Variants in DAB1 observed in about 807,000 individuals in gnomAD.
DAB1 encodes DAB adaptor protein 1.
Under a neutral mutation model 64.6 loss-of-function variants are expected in DAB1, and 15 were observed. The ratio of observed to expected loss-of-function variants is 0.23; its 90% CI spans 0.16 to 0.36. The LOEUF (loss-of-function observed/expected upper bound fraction) is 0.36, where lower values mean the gene tolerates loss of function less well. Among genes scored for constraint, DAB1 ranks in the 10% least tolerant of loss-of-function variants. The probability of loss-of-function intolerance (pLI) is 1.00; values close to 1 mark genes in which losing one functional copy is unlikely to be tolerated. For synonymous variants in DAB1, 235 were observed against 251.9 expected (o/e 0.93, Z 0.64); for missense variants, 596 against 706.7 (o/e 0.84, Z 1.78).
chr1:57,276,813 T>C (rs1671506863), intron 2 of DAB1, among the ~76,000 whole-genome samples: 1 of 152,260 alleles, frequency 6.6e-6, no homozygotes, highest in African/African-American at 2.4e-5. Flanking sequence ...TTCAACTTAC[T>C]ATAATAAACT....
At chr1:58,102,026 G>A (rs139268111) in intron 5 of DAB1, among the ~76,000 whole-genome samples, 74 of 152,296 alleles carry the variant, frequency 4.9e-4, no homozygotes, top group Admixed American at 4.0e-3. Flanking sequence ...GTATTAACTC[G>A]GTGCTTACCA....
chr1:57,208,513 T>C (rs529914751), intron 2 of DAB1, among the ~76,000 whole-genome samples: 1 of 152,352 alleles, frequency 6.6e-6, no homozygotes, highest in East Asian at 1.9e-4. Context: ...TACTCCTCCT[T>C]ATTCTTCAGC....
Position 57,856,811 on chromosome 1 carries a change from C to T in DAB1, n.87+27188G>A, listed in dbSNP as rs1235253741. On this transcript the variant is annotated intron_variant and non_coding_transcript_variant, in intron 1 of 1. Transcript: ENST00000477280. ...AAATAAATTAAAAGTAATGATTATA[C>T]CTCTAACAGAAGGGTCTCAATGGGG... Among the ~76,000 whole-genome samples, 3 of 152,054 alleles carry T rather than the reference C, an allele frequency of 2.0e-5. No individual in the cohort carries two copies. The South Asian group carries it at 6.2e-4, about 32-fold the overall frequency.
intron 6 of DAB1, among the ~76,000 whole-genome samples, chr1:57,807,356 G>A (rs1432029999): frequency 1.3e-5 from 2 of 152,098 alleles, no homozygotes; most frequent in African/African-American, 4.8e-5. Flanking sequence ...TCATACTCAA[G>A]AGCAGAAAAG....
chr1:58,047,908 C>CA (rs368138225), intron 5 of DAB1: 165 of 368,550 alleles, frequency 4.5e-4, no homozygotes, highest in Middle Eastern at 1.7e-3. Context: ...AGCATGGGTG[C>CA]AAAAAAAAAT....
At chr1:57,227,394 G>C (rs750311802) in intron 2 of DAB1, among the ~76,000 whole-genome samples, 3 of 152,144 alleles carry the variant, frequency 2.0e-5, no homozygotes, top group Non-Finnish European at 4.4e-5. Context: ...GAGAGAGAGA[G>C]ACACAGTAAA....
intron 6 of DAB1, among the ~76,000 whole-genome samples, chr1:57,701,652 C>A (rs763806391): frequency 2.6e-4 from 39 of 151,598 alleles, no homozygotes; most frequent in Non-Finnish European, 4.9e-4. Flanking sequence ...ATGTAACAAA[C>A]CTGCATGTTG....
intron 5 of DAB1, among the ~76,000 whole-genome samples, chr1:58,082,139 G>A (rs1057194605): frequency 2.6e-5 from 4 of 152,104 alleles, no homozygotes; most frequent in East Asian, 1.9e-4. Context: ...CAGAGTCCAG[G>A]CCTCCTGACT....
intron 4 of DAB1, among the ~76,000 whole-genome samples, chr1:57,115,099 G>A (rs572567929): frequency 3.3e-5 from 5 of 152,230 alleles, no homozygotes; most frequent in South Asian, 4.2e-4. Context: ...CCATCTCACC[G>A]GCTCACAGAA....
intron 5 of DAB1, among the ~76,000 whole-genome samples, chr1:57,933,425 C>CT (rs34554638): frequency 0.2 from 30,292 of 151,070 alleles, 4,387 homozygotes; most frequent in African/African-American, 0.41. Flanking sequence ...CAGAAGTCTC[C>CT]TTTTTTTTTA....
chr1:57,436,794 C>A (rs1036870615), intron 7 of DAB1, among the ~76,000 whole-genome samples: 12 of 151,910 alleles, frequency 7.9e-5, no homozygotes, highest in African/African-American at 2.7e-4. Context: ...TTTGGGAGGC[C>A]GAGGCAGGCA....
intron 6 of DAB1, among the ~76,000 whole-genome samples, chr1:57,738,208 C>T (rs1647789014): frequency 6.6e-6 from 1 of 152,146 alleles, no homozygotes; most frequent in South Asian, 2.1e-4. Context: ...AGGTAGAAAA[C>T]AGAGACTTGA....
chr1:58,430,466 CAAG>C (rs761164275), intron 3 of DAB1, among the ~76,000 whole-genome samples: 1 of 152,048 alleles, frequency 6.6e-6, no homozygotes, highest in South Asian at 2.1e-4. Flanking sequence ...AAAAGGAGGA[CAAG>C]AAGAAGAACT....
intron 5 of DAB1, among the ~76,000 whole-genome samples, chr1:57,916,309 G>A (rs767059178): frequency 3.3e-5 from 5 of 152,114 alleles, no homozygotes; most frequent in Non-Finnish European, 7.4e-5. Flanking sequence ...TGTCAGCCAT[G>A]CCTTCACTGG....
intron 4 of DAB1, among the ~76,000 whole-genome samples, chr1:58,292,864 G>A (rs1440107387): frequency 2.0e-5 from 3 of 152,114 alleles, no homozygotes; most frequent in African/African-American, 4.8e-5. Context: ...CATTTAATAG[G>A]AGTCAGTCTC....
intron 1 of DAB1, among the ~76,000 whole-genome samples, chr1:57,844,909 T>C (rs1653213413): frequency 1.3e-5 from 2 of 152,142 alleles, no homozygotes; most frequent in African/African-American, 4.8e-5. Flanking sequence ...CCTTCAGCCT[T>C]GGAAATGGCA....
intron 3 of DAB1, among the ~76,000 whole-genome samples, chr1:58,368,910 C>T: frequency 6.6e-6 from 1 of 152,134 alleles, no homozygotes; most frequent in East Asian, 1.9e-4. Flanking sequence ...GCCTGTGGTC[C>T]CAGTTACTTG....
At chr1:57,029,639 C>T (rs1012536392) in intron 9 of DAB1, among the ~76,000 whole-genome samples, 1 of 152,208 alleles carries the variant, frequency 6.6e-6, no homozygotes, top group Non-Finnish European at 1.5e-5. Context: ...GGGAACCTAC[C>T]TCTTGCATCA....
At chr1:57,218,681 C>T (rs964367893) in intron 2 of DAB1, among the ~76,000 whole-genome samples, 8 of 152,018 alleles carry the variant, frequency 5.3e-5, no homozygotes, top group African/African-American at 1.7e-4. Flanking sequence ...TATATAAATG[C>T]TCCCATAATC....
Sources: gnomAD v4.1 joint callset for allele counts (sites outside exome capture counted in the v4.1 genomes callset) on GRCh38, gnomAD v4.1.1 for gene constraint, MANE v1.5 for transcripts, NCBI Gene and HGNC (gene_info 2026-07-23, HGNC 2026-07-21) for gene names.